SPAG17: variants seen among roughly 807,000 people sequenced by gnomAD.
The protein encoded by SPAG17 is sperm associated antigen 17.
In SPAG17, 169 loss-of-function variants were observed where a neutral mutation model predicts 273.6. That is an observed-to-expected ratio of 0.62 (90% confidence interval 0.55 to 0.70). The LOEUF (loss-of-function observed/expected upper bound fraction) is 0.70, where lower values mean the gene tolerates loss of function less well. Among genes scored for constraint, SPAG17 ranks in the 30% least tolerant of loss-of-function variants. SPAG17 has a pLI of 0.00. For missense variants in SPAG17, 2,557 were observed against 2,627.8 expected, an observed-to-expected ratio of 0.97 and a Z score of 0.59; for synonymous variants, 825 against 873.2, an observed-to-expected ratio of 0.94 and a Z score of 0.97.
chr1:117,987,127 A>T (rs1223967449), intron 40 of SPAG17, among the ~76,000 whole-genome samples: 2 of 152,126 alleles, frequency 1.3e-5, no homozygotes, highest in Non-Finnish European at 2.9e-5. Context: ...AGGTTTAGCC[A>T]TTTATTTGGG....
At chr1:117,979,819 T>G (rs1655570701) in intron 43 of SPAG17, among the ~76,000 whole-genome samples, 1 of 152,202 alleles carries the variant, frequency 6.6e-6, no homozygotes, top group South Asian at 2.1e-4. Context: ...CTCCTAATCT[T>G]TGCAGGGCTG....
intron 28 of SPAG17, among the ~76,000 whole-genome samples, chr1:118,019,587 T>G (rs1005916912): frequency 6.6e-6 from 1 of 152,194 alleles, no homozygotes; most frequent in Non-Finnish European, 1.5e-5. Flanking sequence ...GAGAAATCTC[T>G]AGAATCAATG....
chr1:117,960,399 A>T (rs2101349148), intron 48 of SPAG17: 1 of 152,316 alleles, frequency 6.6e-6, no homozygotes, highest in East Asian at 1.9e-4. Flanking sequence ...AAGGAAGAGA[A>T]AATATATTTA....
chr1:117,967,923 A>G (rs1016727278), intron 46 of SPAG17, among the ~76,000 whole-genome samples: 4 of 152,250 alleles, frequency 2.6e-5, no homozygotes, highest in Admixed American at 6.5e-5. Context: ...TTTCTTCAAT[A>G]TAGTTTTATA....
At chr1:118,066,217 C>A (rs1422413216) in intron 18 of SPAG17, among the ~76,000 whole-genome samples, 1 of 152,020 alleles carries the variant, frequency 6.6e-6, no homozygotes, top group African/African-American at 2.4e-5. Flanking sequence ...GAAATATCAT[C>A]ATACTTAATG....
chr1:117,963,815 T>TGAAGG lies in SPAG17; in HGVS notation c.6655_6656insCCTTC (p.Lys2219ThrfsTer66). 6.2e-7 allele frequency: 1 copy of TGAAGG among 1,612,766 alleles called. No homozygotes were observed. The highest frequency in any genetic ancestry group is 8.5e-7 in the Non-Finnish European group (1 of 1,179,318). On this transcript the variant is annotated frameshift_variant, in exon 48 of 49. Coordinates refer to ENST00000336338, the MANE Select transcript of SPAG17 (RefSeq NM_206996.4). LOFTEE classifies it high-confidence loss of function. ...TTACTGTACCTAATGTGGAGAAACT[T>TGAAGG]TACGAGACATGAAGACTCCAAGTGT...
chr1:118,129,066 G>C (rs1657905124), intron 3 of SPAG17, among the ~76,000 whole-genome samples: 1 of 152,240 alleles, frequency 6.6e-6, no homozygotes, highest in African/African-American at 2.4e-5. Flanking sequence ...GATTGCTGCA[G>C]CCACTTTACC....
chr1:118,168,710 T>A (rs1336363622), intron 1 of SPAG17, among the ~76,000 whole-genome samples: 2 of 152,124 alleles, frequency 1.3e-5, no homozygotes, highest in Non-Finnish European at 2.9e-5. Flanking sequence ...GGGCAACAAC[T>A]AAAGGAGATA....
rs770155632 is a variant in SPAG17 at position 117,996,322 on chromosome 1, G to C, written c.5053+48C>G. 3 of 1,553,150 alleles carry C rather than the reference G, an allele frequency of 1.9e-6. No individual in the cohort carries two copies. The East Asian group carries it at 6.8e-5, about 35-fold the overall frequency. ...ATAGACTGGATAGTAAGGAGGATGA[G>C]AATTGGCAAAGAGACACCGTGCATT... is the stretch of plus-strand genomic sequence containing the variant. On this transcript the variant is annotated intron_variant, in intron 34 of 48. Coordinates refer to ENST00000336338, the MANE Select transcript of SPAG17 (RefSeq NM_206996.4).
intron 30 of SPAG17, among the ~76,000 whole-genome samples, chr1:118,008,426 G>A (rs956743584): frequency 5.3e-5 from 8 of 152,050 alleles, no homozygotes; most frequent in African/African-American, 1.9e-4. Context: ...AATTTAGTAT[G>A]CTGTCTTATT....
chr1:118,164,697 G>C (rs534549641), intron 1 of SPAG17, among the ~76,000 whole-genome samples: 2 of 152,196 alleles, frequency 1.3e-5, no homozygotes, highest in South Asian at 4.1e-4. Flanking sequence ...CCTTCATGTA[G>C]AGCCCAAACT....
At chr1:118,080,211 G>A (rs977907983) in intron 15 of SPAG17, among the ~76,000 whole-genome samples, 2 of 152,138 alleles carry the variant, frequency 1.3e-5, no homozygotes, top group Non-Finnish European at 1.5e-5. Flanking sequence ...CACCAGAAGT[G>A]TAGCTTAATT....
chr1:118,070,824 T>C (rs1653501892), intron 17 of SPAG17, among the ~76,000 whole-genome samples: 1 of 152,198 alleles, frequency 6.6e-6, no homozygotes, highest in Non-Finnish European at 1.5e-5. Context: ...TTATATAGTG[T>C]ATAGCACAGT....
At chr1:118,028,176 C>T in intron 26 of SPAG17, 98 bp downstream of exon 26, 1 of 1,374,602 alleles carries the variant, frequency 7.3e-7, no homozygotes, top group Admixed American at 2.2e-5. Context: ...TCATTATCAA[C>T]AAGATGTATG....
At chr1:118,081,725 C>G in intron 13 of SPAG17, 83 bp from the exon 14 acceptor site, 2 of 1,157,854 alleles carry the variant, frequency 1.7e-6, no homozygotes, top group Non-Finnish European at 2.5e-6. Context: ...ACCAGGGAGT[C>G]TGTCTACCAG....
At chr1:118,009,376 A>G (rs995373939) in intron 30 of SPAG17, among the ~76,000 whole-genome samples, 7 of 152,140 alleles carry the variant, frequency 4.6e-5, no homozygotes, top group Non-Finnish European at 8.8e-5. Context: ...TACATCTTAA[A>G]TATATCCAAT....
At position 118,052,349 on chromosome 1, in the gene SPAG17, T is replaced by C. The variant is rs532301997; in HGVS notation, c.2814+1653A>G. On this transcript the variant is annotated intron_variant, in intron 20 of 48. Coordinates refer to ENST00000336338, the MANE Select transcript of SPAG17 (RefSeq NM_206996.4). The stretch of plus-strand genomic sequence containing the variant: ...CACTTATATGTGGAATCTAAAAGAG[T>C]TGAACTCACAAAAACAGAGAGTAGA... Among the ~76,000 whole-genome samples, 3 of 151,342 alleles carry C rather than the reference T, an allele frequency of 2.0e-5. No individual in the cohort carries two copies. In the South Asian group the frequency reaches 6.2e-4, roughly 32 times the overall value.
At chr1:118,050,261 C>T (rs1557957484) in intron 20 of SPAG17, among the ~76,000 whole-genome samples, 1 of 152,182 alleles carries the variant, frequency 6.6e-6, no homozygotes, top group Non-Finnish European at 1.5e-5. Flanking sequence ...AAACTGTGCA[C>T]TTGATCTCTC....
chr1:118,031,177 CTTTTTTTT>C (rs1015324627), intron 25 of SPAG17, among the ~76,000 whole-genome samples: 2 of 54,918 alleles, frequency 3.6e-5, no homozygotes, highest in East Asian at 5.8e-4. Context: ...GAGGACTACT[CTTTTTTTT>C]TTTTTTTTTT....
Sources: allele counts gnomAD v4.1 joint callset (sites outside exome capture counted in the v4.1 genomes callset), GRCh38; gene constraint gnomAD v4.1.1; transcripts MANE v1.5; gene names NCBI Gene and HGNC (gene_info 2026-07-23, HGNC 2026-07-21).